EPHA3: variants seen among roughly 807,000 people sequenced by gnomAD.
EPHA3 encodes ephrin type-A receptor 3.
A neutral mutation model predicts 107.1 loss-of-function variants in EPHA3; 42 were observed. That is an observed-to-expected ratio of 0.39 (90% CI 0.31 to 0.51). The LOEUF is 0.51. Ranked by LOEUF, EPHA3 falls within the 20% of genes least tolerant of loss-of-function variation. The pLI, the probability that EPHA3 is intolerant of heterozygous loss-of-function variation, is 0.78. For synonymous variants in EPHA3, 461 were observed against 424.8 expected (o/e 1.09, Z -1.05); for missense variants, 1,183 against 1,211.2 (o/e 0.98, Z 0.35).
At chr3:89,303,160 T>C (rs1706531369) in intron 3 of EPHA3, among the ~76,000 whole-genome samples, 1 of 152,212 alleles carries the variant, frequency 6.6e-6, no homozygotes, top group South Asian at 2.1e-4. Flanking sequence ...CCTCCCAATG[T>C]GCTGGGATTA....
chr3:89,131,321 G>T (rs1392606757), intron 2 of EPHA3, among the ~76,000 whole-genome samples: 2 of 152,144 alleles, frequency 1.3e-5, no homozygotes, highest in South Asian at 4.1e-4. Context: ...TAATTCAATC[G>T]TTCTAATATT....
At chr3:89,229,433 G>T (rs1704575990) in intron 3 of EPHA3, among the ~76,000 whole-genome samples, 1 of 151,586 alleles carries the variant, frequency 6.6e-6, no homozygotes, top group African/African-American at 2.4e-5. Flanking sequence ...TTGATTTTCA[G>T]TGCATAAAAA....
intron 2 of EPHA3, among the ~76,000 whole-genome samples, chr3:89,197,428 CAT>C (rs1553662748): frequency 2.2e-3 from 325 of 149,894 alleles, no homozygotes; most frequent in African/African-American, 4.9e-3. Context: ...AACATAAAAA[CAT>C]AAAAAAAAAA....
At chr3:89,368,016 G>C (rs1409191485) in intron 5 of EPHA3, among the ~76,000 whole-genome samples, 1 of 150,390 alleles carries the variant, frequency 6.6e-6, no homozygotes. Context: ...GCTCACATTT[G>C]TCTCCTTCAT....
chr3:89,356,162 C>A (rs1370490312), intron 5 of EPHA3, among the ~76,000 whole-genome samples: 1 of 150,858 alleles, frequency 6.6e-6, no homozygotes, highest in African/African-American at 2.4e-5. Context: ...AGGACATGAA[C>A]TCATCATTTT....
rs143959319 is a variant in EPHA3 at position 89,341,708 on chromosome 3, A to G, written c.971-47A>G. 308 of 1,422,378 alleles carry G rather than the reference A, an allele frequency of 2.2e-4. No individual in the cohort carries two copies. The East Asian group carries it at 6.1e-3, about 28-fold the overall frequency. 88.1% of individuals were successfully genotyped at this position (1,422,378 alleles called of 1,614,324 possible). A position where few individuals can be genotyped will look rare whatever the true frequency, so the allele number is the denominator to read the frequency against. On this transcript the variant is annotated intron_variant, in intron 4 of 16. Transcript: ENST00000336596. ...GTAAATTATCTATTTCCCTTGTAGT[A>G]GAAAACAGAAGTGAGGCTCATTAAT... is the stretch of plus-strand genomic sequence containing the variant.
intron 3 of EPHA3, among the ~76,000 whole-genome samples, chr3:89,301,057 T>G (rs1243460359): frequency 6.6e-6 from 1 of 152,116 alleles, no homozygotes; most frequent in Non-Finnish European, 1.5e-5. Flanking sequence ...GTGATTTCAC[T>G]TTTCATAGTG....
intron 2 of EPHA3, among the ~76,000 whole-genome samples, chr3:89,197,617 G>A (rs1264812632): frequency 1.3e-5 from 2 of 152,042 alleles, no homozygotes; most frequent in Admixed American, 1.3e-4. Flanking sequence ...AATACTATTG[G>A]CAAAGATTTT....
intron 3 of EPHA3, among the ~76,000 whole-genome samples, chr3:89,328,718 C>T (rs564063968): frequency 1.6e-4 from 25 of 152,158 alleles, no homozygotes; most frequent in Non-Finnish European, 2.4e-4. Flanking sequence ...AGCCAATGCA[C>T]TTAATACCTT....
At chr3:89,440,030 G>T (rs1461980342) in intron 13 of EPHA3, among the ~76,000 whole-genome samples, 1 of 152,016 alleles carries the variant, frequency 6.6e-6, no homozygotes, top group South Asian at 2.1e-4. Context: ...CTACCTAAAG[G>T]ATCATTTATC....
chr3:89,365,282 G>T (rs1293519917), intron 5 of EPHA3, among the ~76,000 whole-genome samples: 1 of 150,690 alleles, frequency 6.6e-6, no homozygotes, highest in African/African-American at 2.4e-5. Flanking sequence ...CTCAGATATA[G>T]CCTTTCAGCT....
intron 3 of EPHA3, among the ~76,000 whole-genome samples, chr3:89,312,316 T>A (rs535843812): frequency 1.3e-5 from 2 of 151,886 alleles, no homozygotes; most frequent in Admixed American, 1.3e-4. Context: ...GAAGACGTTT[T>A]TTAGAGAAAG....
At chr3:89,208,466 G>T (rs916640596) in intron 2 of EPHA3, among the ~76,000 whole-genome samples, 1 of 128,036 alleles carries the variant, frequency 7.8e-6, no homozygotes, top group Non-Finnish European at 1.6e-5. Flanking sequence ...AAGAAAGAAA[G>T]AAAGAAAGAA....
intron 2 of EPHA3, among the ~76,000 whole-genome samples, chr3:89,149,169 A>G (rs1352371254): frequency 6.6e-6 from 1 of 152,020 alleles, no homozygotes; most frequent in Admixed American, 6.6e-5. Context: ...GCTGGTTTCT[A>G]CCTGAAACCA....
intron 3 of EPHA3, among the ~76,000 whole-genome samples, chr3:89,284,522 T>TC (rs531292494): frequency 2.0e-5 from 3 of 152,178 alleles, no homozygotes; most frequent in Non-Finnish European, 2.9e-5. Flanking sequence ...GAGTTTGATT[T>TC]CTCCTGATTA....
chr3:89,345,648 G>C (rs998256278), intron 5 of EPHA3, among the ~76,000 whole-genome samples: 3 of 145,580 alleles, frequency 2.1e-5, no homozygotes, highest in Non-Finnish European at 3.0e-5. Context: ...TAAGTTTTAG[G>C]GTACATGTGC....
chr3:89,458,143 G>A (rs1309557675), intron 15 of EPHA3, among the ~76,000 whole-genome samples: 1 of 152,138 alleles, frequency 6.6e-6, no homozygotes, highest in African/African-American at 2.4e-5. Context: ...CCAGATTTTA[G>A]GCACCTTGTA....
intron 3 of EPHA3, among the ~76,000 whole-genome samples, chr3:89,257,785 C>T (rs1705320275): frequency 6.6e-6 from 1 of 151,092 alleles, no homozygotes; most frequent in African/African-American, 2.4e-5. Context: ...AGAGAAAGAA[C>T]ATCTTCACAG....
chr3:89,362,000 C>T (rs1708101737), intron 5 of EPHA3, among the ~76,000 whole-genome samples: 1 of 151,042 alleles, frequency 6.6e-6, no homozygotes, highest in South Asian at 2.1e-4. Flanking sequence ...TCACAACCCC[C>T]TCAAGGTCCT....
Sources: allele counts gnomAD v4.1 joint callset (sites outside exome capture counted in the v4.1 genomes callset), GRCh38; gene constraint gnomAD v4.1.1; transcripts MANE v1.5; gene names NCBI Gene and HGNC (gene_info 2026-07-23, HGNC 2026-07-21).